DAB1: variants seen among roughly 807,000 people sequenced by gnomAD.
The protein encoded by DAB1 is disabled homolog 1.
DAB1 carries 15 observed loss-of-function variants against 64.6 expected under a neutral mutation model. The ratio of observed to expected loss-of-function variants is 0.23; its 90% CI spans 0.16 to 0.36. The LOEUF is 0.36. Among genes scored for constraint, DAB1 ranks in the 10% least tolerant of loss-of-function variants. DAB1 has a pLI of 1.00. For missense variants in DAB1, 596 were observed against 706.7 expected (o/e 0.84, Z 1.78); for synonymous variants, 235 against 251.9 (o/e 0.93, Z 0.64).
At chr1:58,145,526 TGTTAA>T (rs1289830526) in intron 5 of DAB1, among the ~76,000 whole-genome samples, 1 of 152,250 alleles carries the variant, frequency 6.6e-6, no homozygotes, top group African/African-American at 2.4e-5. Flanking sequence ...TAGTGGTGGT[TGTTAA>T]GTTAATACTG....
At chr1:58,095,982 G>A (rs1650954889) in intron 5 of DAB1, among the ~76,000 whole-genome samples, 1 of 152,212 alleles carries the variant, frequency 6.6e-6, no homozygotes, top group Admixed American at 6.5e-5. Context: ...AACATACATG[G>A]ACTTCCAGGT....
intron 2 of DAB1, among the ~76,000 whole-genome samples, chr1:57,251,454 T>G (rs1033750457): frequency 2.6e-5 from 4 of 152,202 alleles, no homozygotes; most frequent in African/African-American, 9.6e-5. Flanking sequence ...CTTATGAAAT[T>G]GTCTAGCCTG....
chr1:58,300,606 A>C (rs140863854), intron 4 of DAB1, among the ~76,000 whole-genome samples: 19 of 37,970 alleles, frequency 5.0e-4, no homozygotes, highest in African/African-American at 1.6e-3. Context: ...GAAAGAAAGA[A>C]AGAAAGAGAG....
intron 10 of DAB1, among the ~76,000 whole-genome samples, chr1:57,024,182 C>A (rs1368747360): frequency 6.6e-6 from 1 of 151,622 alleles, no homozygotes; most frequent in South Asian, 2.1e-4. Flanking sequence ...CCCCGCCACA[C>A]CCCCCGTCAG....
At chr1:57,033,306 A>T in intron 9 of DAB1, 3 of 1,442,866 alleles carry the variant, frequency 2.1e-6, no homozygotes, top group Non-Finnish European at 2.9e-6. Flanking sequence ...TCTGCCATTC[A>T]TGCAAGCTGG....
intron 4 of DAB1, among the ~76,000 whole-genome samples, chr1:58,156,988 C>T (rs544639719): frequency 2.0e-5 from 3 of 152,124 alleles, no homozygotes; most frequent in African/African-American, 4.8e-5. Flanking sequence ...GTCTGCCTAC[C>T]GAACGGGATC....
intron 4 of DAB1, among the ~76,000 whole-genome samples, chr1:57,076,527 T>C (rs1441269719): frequency 1.3e-5 from 2 of 152,208 alleles, no homozygotes; most frequent in East Asian, 3.8e-4. Context: ...ATCAATGTCC[T>C]CAATCCAATC....
chr1:58,221,032 A>C (rs1659142650), intron 4 of DAB1, among the ~76,000 whole-genome samples: 1 of 142,138 alleles, frequency 7.0e-6, no homozygotes. Flanking sequence ...GGACATTCTT[A>C]GAGAGCTGTG....
intron 9 of DAB1, among the ~76,000 whole-genome samples, chr1:57,049,563 C>T (rs79164408): frequency 6.7e-6 from 1 of 150,064 alleles, no homozygotes; most frequent in Non-Finnish European, 1.5e-5. Flanking sequence ...CTTCTGGTTA[C>T]TTGACCTTCC....
At chr1:57,781,454 C>T (rs925294820) in intron 6 of DAB1, among the ~76,000 whole-genome samples, 3 of 151,684 alleles carry the variant, frequency 2.0e-5, no homozygotes, top group African/African-American at 4.8e-5. Context: ...TTTAGAGACA[C>T]CTATTTTATT....
At chr1:58,046,334 A>G (rs1647254065) in intron 5 of DAB1, among the ~76,000 whole-genome samples, 1 of 152,244 alleles carries the variant, frequency 6.6e-6, no homozygotes, top group African/African-American at 2.4e-5. Flanking sequence ...AAACTGAGGC[A>G]AAGGACATCA....
At chr1:58,013,923 G>A (rs935644295) in intron 5 of DAB1, among the ~76,000 whole-genome samples, 2 of 145,614 alleles carry the variant, frequency 1.4e-5, no homozygotes, top group African/African-American at 2.5e-5. Flanking sequence ...TAAGATGACT[G>A]TAGTATAAGA....
At chr1:57,753,589 G>A (rs1648654383) in intron 6 of DAB1, among the ~76,000 whole-genome samples, 1 of 152,164 alleles carries the variant, frequency 6.6e-6, no homozygotes, top group Non-Finnish European at 1.5e-5. Flanking sequence ...ACAAAAAGGT[G>A]TTAGGTGTCT....
chr1:57,704,880 T>TCCTTCCTTCCTTCCTTCCTC (rs1646948125), intron 6 of DAB1, among the ~76,000 whole-genome samples: 1 of 148,732 alleles, frequency 6.7e-6, no homozygotes, highest in East Asian at 2.0e-4. Flanking sequence ...AAATTTCTTT[T>TCCTTCCTTCCTTCCTTCCTC]CCTTCCTTCC....
At chr1:57,055,718 C>A (rs1570605280) in intron 9 of DAB1, among the ~76,000 whole-genome samples, 1 of 152,272 alleles carries the variant, frequency 6.6e-6, no homozygotes, top group Non-Finnish European at 1.5e-5. Flanking sequence ...CTGACTGAGG[C>A]TCTAAGACAG....
intron 5 of DAB1, among the ~76,000 whole-genome samples, chr1:58,086,984 C>T (rs1218552474): frequency 6.6e-6 from 1 of 152,072 alleles, no homozygotes; most frequent in African/African-American, 2.4e-5. Context: ...AGCTAGAGTG[C>T]AAAGAGCATG....
intron 1 of DAB1, among the ~76,000 whole-genome samples, chr1:57,363,101 C>G (rs1395070656): frequency 1.4e-4 from 22 of 152,120 alleles, no homozygotes; most frequent in Admixed American, 1.4e-3. Context: ...AAAAAGAAAC[C>G]CATCAAAGCC....
At chr1:58,077,632 C>A (rs1649736807) in intron 5 of DAB1, among the ~76,000 whole-genome samples, 2 of 152,184 alleles carry the variant, frequency 1.3e-5, no homozygotes. Flanking sequence ...GTTCTTCTGA[C>A]CTTAGCTCTC....
intron 7 of DAB1, among the ~76,000 whole-genome samples, chr1:57,489,715 T>C (rs1644138646): frequency 6.6e-6 from 1 of 152,222 alleles, no homozygotes; most frequent in Non-Finnish European, 1.5e-5. Flanking sequence ...TTGCTCTCTT[T>C]ATATAGGTAA....
Sources: gnomAD v4.1 joint callset for allele counts (sites outside exome capture counted in the v4.1 genomes callset) on GRCh38, gnomAD v4.1.1 for gene constraint, MANE v1.5 for transcripts, NCBI Gene and HGNC (gene_info 2026-07-23, HGNC 2026-07-21) for gene names.